SLC20A2: variants seen among roughly 807,000 people sequenced by gnomAD.
The protein encoded by SLC20A2 is sodium-dependent phosphate transporter 2.
Under a neutral mutation model 61.0 loss-of-function variants are expected in SLC20A2, and 30 were observed. That is an observed-to-expected ratio of 0.49 (90% CI 0.37 to 0.67). The LOEUF (loss-of-function observed/expected upper bound fraction) is 0.67, where lower values mean the gene tolerates loss of function less well. Among genes scored for constraint, SLC20A2 ranks in the 30% least tolerant of loss-of-function variants. The probability of loss-of-function intolerance (pLI) is 0.00; values close to 1 mark genes in which losing one functional copy is unlikely to be tolerated. For missense variants in SLC20A2, 626 were observed against 866.4 expected (o/e 0.72, Z 3.48); for synonymous variants, 351 against 353.3 (o/e 0.99, Z 0.07).
chr8:42,418,276 C>T (rs891229153), intron 10 of SLC20A2, among the ~76,000 whole-genome samples: 3 of 152,246 alleles, frequency 2.0e-5, no homozygotes, highest in Non-Finnish European at 4.4e-5. Flanking sequence ...AAGCAATTCT[C>T]CTGCCTCAGC....
intron 1 of SLC20A2, among the ~76,000 whole-genome samples, chr8:42,508,462 C>T (rs1259788999): frequency 1.3e-5 from 2 of 152,212 alleles, no homozygotes; most frequent in African/African-American, 4.8e-5. Context: ...ATGATCTCAG[C>T]TCACTGCAGC....
intron 5 of SLC20A2, among the ~76,000 whole-genome samples, chr8:42,452,763 G>C (rs370775629): frequency 6.6e-6 from 1 of 152,074 alleles, no homozygotes; most frequent in Non-Finnish European, 1.5e-5. Context: ...AGAGGCAGGG[G>C]CAGGCATGTC....
At chr8:42,478,628 G>A (rs937788422) in intron 1 of SLC20A2, among the ~76,000 whole-genome samples, 2 of 152,134 alleles carry the variant, frequency 1.3e-5, no homozygotes, top group African/African-American at 4.8e-5. Flanking sequence ...GGAGAGCTCT[G>A]CTGTGCACCT....
chr8:42,420,185 C>CAA (rs757483247), intron 10 of SLC20A2, among the ~76,000 whole-genome samples: 5 of 116,328 alleles, frequency 4.3e-5, no homozygotes, highest in Non-Finnish European at 3.7e-5. Context: ...AACTCCGTCT[C>CAA]AAAAAAAAAA....
At chr8:42,475,878 C>A (rs1170448170) in intron 1 of SLC20A2, among the ~76,000 whole-genome samples, 2 of 151,970 alleles carry the variant, frequency 1.3e-5, no homozygotes, top group African/African-American at 2.4e-5. Flanking sequence ...TTTAAGAGAA[C>A]TGCAGCGGCA....
intron 9 of SLC20A2, among the ~76,000 whole-genome samples, 182 bp downstream of exon 9, chr8:42,429,882 C>T (rs536482647): frequency 7.1e-4 from 108 of 152,288 alleles, no homozygotes; most frequent in African/African-American, 2.2e-3. Context: ...GGGCCGGGCA[C>T]AGTAAGGGAG....
chr8:42,422,786 G>T lies in SLC20A2; in HGVS notation c.1795-4819C>A, dbSNP rs200571822. On this transcript the variant is annotated intron_variant, in intron 10 of 10. Transcript: ENST00000520262. The stretch of plus-strand genomic sequence containing the variant: ...TTGTTGCAGAAAATAATTCACATGG[G>T]TTTTCAAATTCTTAGCATATAGCTG... Among the ~76,000 whole-genome samples, 7 of 152,172 alleles carry T rather than the reference G, an allele frequency of 4.6e-5. No individual in the cohort carries two copies. In the East Asian group the frequency reaches 1.4e-3, roughly 29 times the overall value.
At position 42,522,279 on chromosome 8, in the gene SLC20A2, A is replaced by T. The variant is rs1811641450; in HGVS notation, c.-265+19542T>A. Among the ~76,000 whole-genome samples the T allele has an allele frequency of 2.5e-5, 3 of 122,148 alleles. 1 individual carries two copies. The highest frequency in any genetic ancestry group is 2.5e-4 in the Admixed American group (3 of 12,216). The allele number at this position is 122,148 out of a possible 152,430, so 80.1% of individuals were successfully genotyped here. ...AAATATCCTTACTTTTCAGATGAGG[A>T]CACCGAAGGATGGAGAAGACAAGAA... On this transcript the variant is annotated intron_variant, in intron 1 of 10. Transcript: ENST00000342228.
At chr8:42,445,279 G>A (rs1008452846) in intron 5 of SLC20A2, among the ~76,000 whole-genome samples, 2 of 151,762 alleles carry the variant, frequency 1.3e-5, no homozygotes, top group African/African-American at 2.4e-5. Flanking sequence ...GCAACAGAGC[G>A]AGACTCCATC....
chr8:42,440,896 G>A (rs150531481), intron 6 of SLC20A2, among the ~76,000 whole-genome samples: 288 of 152,294 alleles, frequency 1.9e-3, no homozygotes, highest in African/African-American at 6.6e-3. Context: ...CGCCTCACGC[G>A]TTCAAGCGAT....
At chr8:42,505,027 G>A (rs533152719), upstream of SLC20A2, among the ~76,000 whole-genome samples, 30 of 151,812 alleles carry the variant, frequency 2.0e-4, no homozygotes, top group African/African-American at 6.0e-4. Flanking sequence ...GTATGAAGAC[G>A]CAGTTTATGT....
chr8:42,514,620 T>C (rs1273486113), intron 1 of SLC20A2, among the ~76,000 whole-genome samples: 1 of 151,838 alleles, frequency 6.6e-6, no homozygotes, highest in Non-Finnish European at 1.5e-5. Flanking sequence ...TACCCGGACA[T>C]GGTGGTACGC....
At chr8:42,454,298 G>A (rs962089052) in intron 5 of SLC20A2, among the ~76,000 whole-genome samples, 1 of 152,082 alleles carries the variant, frequency 6.6e-6, no homozygotes, top group Non-Finnish European at 1.5e-5. Flanking sequence ...CACCGCGCCC[G>A]GCCGAATTTT....
intron 1 of SLC20A2, among the ~76,000 whole-genome samples, chr8:42,526,568 G>A (rs1411792483): frequency 2.0e-5 from 3 of 151,638 alleles, no homozygotes; most frequent in Non-Finnish European, 4.4e-5. Context: ...AGCTACTCGG[G>A]AGGCTGAGCC....
chr8:42,490,799 C>A (rs189287227), intron 1 of SLC20A2, among the ~76,000 whole-genome samples: 1 of 152,134 alleles, frequency 6.6e-6, no homozygotes, highest in Admixed American at 6.5e-5. Flanking sequence ...GACACTTAAC[C>A]GCACAGCAGC....
intron 4 of SLC20A2, among the ~76,000 whole-genome samples, chr8:42,460,662 A>G (rs997141354): frequency 6.6e-6 from 1 of 152,238 alleles, no homozygotes; most frequent in African/African-American, 2.4e-5. Flanking sequence ...GGCTTCTGCT[A>G]CAACACTCCC....
chr8:42,459,259 A>AC (rs1563482790), intron 5 of SLC20A2, among the ~76,000 whole-genome samples: 16 of 148,190 alleles, frequency 1.1e-4, no homozygotes, highest in African/African-American at 2.3e-4. Flanking sequence ...AAAAAAAAAA[A>AC]CATAAAAAAT....
intron 2 of SLC20A2, among the ~76,000 whole-genome samples, chr8:42,469,123 G>T (rs1231549210): frequency 2.6e-5 from 4 of 151,944 alleles, no homozygotes; most frequent in African/African-American, 4.8e-5. Context: ...GGGAAAGAGG[G>T]AGAAGAAAAA....
At chr8:42,486,517 G>T (rs58458359) in intron 1 of SLC20A2, among the ~76,000 whole-genome samples, 2,107 of 152,296 alleles carry the variant, frequency 0.014, 46 homozygotes, top group African/African-American at 0.044. Flanking sequence ...AGGTAGTTCT[G>T]CTAGCAATGG....
Sources: gnomAD v4.1 joint callset for allele counts (sites outside exome capture counted in the v4.1 genomes callset) on GRCh38, gnomAD v4.1.1 for gene constraint, MANE v1.5 for transcripts, NCBI Gene and HGNC (gene_info 2026-07-23, HGNC 2026-07-21) for gene names.